The following ZC3H4 variants were observed in gnomAD, a reference collection of about 807,000 sequenced individuals.
ZC3H4 encodes zinc finger CCCH domain-containing protein 4.
In ZC3H4, 13 loss-of-function variants were observed where a neutral mutation model predicts 108.3. The ratio of observed to expected loss-of-function variants is 0.12; its 90% CI spans 0.08 to 0.19. ZC3H4 has a LOEUF of 0.19. ZC3H4 is among the 10% of genes least tolerant of loss of function. ZC3H4 has a pLI of 1.00. For missense variants in ZC3H4, 1,734 were observed against 1,838.8 expected (o/e 0.94, Z 1.04); for synonymous variants, 917 against 749.6 (o/e 1.22, Z -3.65).
At chr19:47,068,999 T>C (rs1030463823) in intron 14 of ZC3H4, 93 bp downstream of exon 14, 5 of 1,578,300 alleles carry the variant, frequency 3.2e-6, no homozygotes, top group Non-Finnish European at 4.3e-6. Context: ...GGCTCCTTCC[T>C]GACAGGAAAC....
chr19:47,096,619 C>T (rs1245336287), intron 2 of ZC3H4, among the ~76,000 whole-genome samples: 1 of 152,214 alleles, frequency 6.6e-6, no homozygotes, highest in African/African-American at 2.4e-5. Flanking sequence ...GAGAGACGGA[C>T]AGACTGAGCG....
chr19:47,086,522 GC>G lies in ZC3H4; in HGVS notation c.731del (p.Gly244AlafsTer67). ...SSRGRGSRGRGRGYRGRGSRG... is the reference protein window; with the variant it reads ...SSRGRGSRGRXRGYRGRGSRG... ...GGCTTCCTCGGCCCCTGTAGCCCCG[GC>G]CCCGGCCTCGGCTGCCTGCATGGAG... On this transcript the variant is annotated frameshift_variant, in exon 6 of 15. Transcript: ENST00000253048. LOFTEE classifies it high-confidence loss of function. 1 of 1,594,306 alleles carries G rather than the reference GC, an allele frequency of 6.3e-7. No individual in the cohort carries two copies.
chr19:47,098,926 T>A (rs2057864426), intron 2 of ZC3H4, among the ~76,000 whole-genome samples: 1 of 152,214 alleles, frequency 6.6e-6, no homozygotes, highest in African/African-American at 2.4e-5. Context: ...CTCTGGAGTA[T>A]GCTCTTAGTC....
chr19:47,084,477 C>T (rs763449407), intron 8 of ZC3H4, 22 bp from the exon 9 acceptor site: 28 of 1,611,286 alleles, frequency 1.7e-5, no homozygotes, highest in Middle Eastern at 1.6e-4. Context: ...AGGGTGTGGA[C>T]GTAAAGGGGA....
intron 5 of ZC3H4, among the ~76,000 whole-genome samples, chr19:47,088,909 T>A (rs1311458720): frequency 2.6e-5 from 4 of 151,898 alleles, no homozygotes; most frequent in Non-Finnish European, 4.4e-5. Context: ...CAAGAAAGAC[T>A]GCTAGAAGAA....
At chr19:47,099,212 C>A (rs2057868708) in intron 2 of ZC3H4, among the ~76,000 whole-genome samples, 1 of 152,132 alleles carries the variant, frequency 6.6e-6, no homozygotes. Flanking sequence ...GTAATCCCAG[C>A]ACTTTGGGAG....
At chr19:47,088,518 A>T (rs949515420) in intron 5 of ZC3H4, among the ~76,000 whole-genome samples, 1 of 151,958 alleles carries the variant, frequency 6.6e-6, no homozygotes, top group Admixed American at 6.6e-5. Context: ...ATTGCACTCC[A>T]GCCTGGGCAA....
At chr19:47,073,652 A>G (rs1381568587) in intron 11 of ZC3H4, among the ~76,000 whole-genome samples, 1 of 152,200 alleles carries the variant, frequency 6.6e-6, no homozygotes, top group Non-Finnish European at 1.5e-5. Context: ...ACCTCTATAT[A>G]GTTCCAGCAC....
At chr19:47,087,621 G>C (rs1022977897) in intron 5 of ZC3H4, among the ~76,000 whole-genome samples, 1 of 152,044 alleles carries the variant, frequency 6.6e-6, no homozygotes, top group African/African-American at 2.4e-5. Flanking sequence ...GTTCACACCT[G>C]TAATCCCAGC....
intron 2 of ZC3H4, chr19:47,112,167 C>T: frequency 8.6e-7 from 1 of 1,156,252 alleles, no homozygotes; most frequent in Non-Finnish European, 1.1e-6. Context: ...AGCATGGCGC[C>T]CAAAAAAGAC....
At chr19:47,091,260 AAAC>A (rs1055442683) in intron 4 of ZC3H4, among the ~76,000 whole-genome samples, 7 of 151,854 alleles carry the variant, frequency 4.6e-5, no homozygotes, top group South Asian at 4.1e-4. Flanking sequence ...TGACACAGCG[AAAC>A]AACAACTCAA....
chr19:47,103,745 T>G (rs2123075359), intron 2 of ZC3H4, among the ~76,000 whole-genome samples: 1 of 130,004 alleles, frequency 7.7e-6, no homozygotes, highest in Non-Finnish European at 1.6e-5. Context: ...GCTAACATGG[T>G]GAAACCCCGT....
chr19:47,066,173 A>G lies in ZC3H4; in HGVS notation c.*183T>C. The G allele has an allele frequency of 1.9e-6, 1 of 540,136 alleles. No homozygotes were observed. The highest frequency in any genetic ancestry group is 3.4e-5 in the South Asian group (1 of 29,638). 33.5% of individuals were successfully genotyped at this position (540,136 alleles called of 1,614,324 possible). ...ACCAGAACTTAAGATGGTTATATAC[A>G]ATTTACAAATCTCAAAGAAAGTACT... On this transcript the variant is annotated 3_prime_UTR_variant, in exon 15 of 15. Transcript: ENST00000253048.
intron 2 of ZC3H4, among the ~76,000 whole-genome samples, chr19:47,099,612 T>A (rs1464428295): frequency 6.6e-6 from 1 of 151,466 alleles, no homozygotes; most frequent in African/African-American, 2.4e-5. Context: ...AAGCAACATC[T>A]CCCCTTCCTC....
intron 9 of ZC3H4, 78 bp downstream of exon 9, chr19:47,084,267 C>G: frequency 7.1e-7 from 1 of 1,405,876 alleles, no homozygotes; most frequent in Non-Finnish European, 1.0e-6. Context: ...CTCACCACGG[C>G]TCCAGAACCT....
At chr19:47,068,159 C>A (rs1193981859) in intron 14 of ZC3H4, among the ~76,000 whole-genome samples, 1 of 152,242 alleles carries the variant, frequency 6.6e-6, no homozygotes, top group African/African-American at 2.4e-5. Context: ...TACTATCATG[C>A]CCATTTGACA....
intron 11 of ZC3H4, among the ~76,000 whole-genome samples, chr19:47,074,544 G>A (rs142839228): frequency 6.6e-6 from 1 of 152,318 alleles, no homozygotes; most frequent in Non-Finnish European, 1.5e-5. Flanking sequence ...GCTAGGCCTC[G>A]GCTGGTGTCT....
chr19:47,085,085 C>G lies in ZC3H4; in HGVS notation c.1078G>C (p.Asp360His). ...ATGTCCTCGTCATAGAAGTCTTCGTCATCGTTCATTCCGCCCTTGTTCATC... is the reference window on the plus strand; with the variant it reads ...ATGTCCTCGTCATAGAAGTCTTCGTGATCGTTCATTCCGCCCTTGTTCATC... ...GGMNKGGMND[D>H]EDFYDEDMGD... is the part of the protein sequence containing the mutation. The change falls in exon 8 of 15, where the codon GAC (aspartate) becomes CAC (histidine). Residue 360 changes from aspartate (D) to histidine (H), a missense_variant. This residue lies in a region of ZC3H4 where 403 missense variants were observed against 457.0 expected (regional missense o/e 0.88). Coordinates refer to ENST00000253048, the MANE Select transcript of ZC3H4 (RefSeq NM_015168.2). 1 of 1,614,250 alleles carries G rather than the reference C, an allele frequency of 6.2e-7. No homozygotes were observed. Among genetic ancestry groups the G allele is most frequent in the East Asian group, 2.2e-5 (1 of 44,884 alleles).
chr19:47,087,633 C>T (rs1273641306), intron 5 of ZC3H4, among the ~76,000 whole-genome samples: 3 of 152,130 alleles, frequency 2.0e-5, no homozygotes, highest in Non-Finnish European at 4.4e-5. Flanking sequence ...AATCCCAGCA[C>T]TTTGGGAGGC....
Sources: allele counts gnomAD v4.1 joint callset (sites outside exome capture counted in the v4.1 genomes callset), GRCh38; gene constraint gnomAD v4.1.1; regional missense constraint gnomAD v4.1.1; transcripts MANE v1.5; gene names NCBI Gene and HGNC (gene_info 2026-07-23, HGNC 2026-07-21).